Variants in LNPEP observed in about 807,000 individuals in gnomAD.
The protein encoded by LNPEP is leucyl and cystinyl aminopeptidase, also known as leucyl-cystinyl aminopeptidase.
A neutral mutation model predicts 120.6 loss-of-function variants in LNPEP; 64 were observed. That is an observed-to-expected ratio of 0.53 (90% CI 0.43 to 0.65). The LOEUF is 0.65. Among genes scored for constraint, LNPEP ranks in the 30% least tolerant of loss-of-function variants. LNPEP has a pLI of 0.00. For missense variants in LNPEP, 1,057 were observed against 1,200.0 expected, an observed-to-expected ratio of 0.88 and a Z score of 1.76; for synonymous variants, 435 against 425.4, an observed-to-expected ratio of 1.02 and a Z score of -0.28.
chr5:96,955,476 G>A (rs1049534460), intron 1 of LNPEP, among the ~76,000 whole-genome samples: 2 of 152,148 alleles, frequency 1.3e-5, no homozygotes, highest in East Asian at 3.9e-4. Context: ...TTAGCTGGAT[G>A]TGGTGATGCA....
chr5:96,969,569 G>T (rs555878468), intron 1 of LNPEP, among the ~76,000 whole-genome samples: 20 of 152,092 alleles, frequency 1.3e-4, no homozygotes, highest in African/African-American at 4.8e-4. Flanking sequence ...CTTTTGAGAA[G>T]TGAAAAATTG....
intron 1 of LNPEP, among the ~76,000 whole-genome samples, chr5:96,962,183 A>G (rs1029910962): frequency 3.3e-5 from 5 of 152,194 alleles, no homozygotes; most frequent in Non-Finnish European, 5.9e-5. Flanking sequence ...GAGGCTATGT[A>G]GACATGAAGC....
intron 4 of LNPEP, among the ~76,000 whole-genome samples, chr5:96,992,731 A>T (rs1408073508): frequency 2.7e-5 from 4 of 148,790 alleles, no homozygotes; most frequent in Middle Eastern, 3.2e-3. Flanking sequence ...AAGTTGCTAT[A>T]AGATGACCTA....
intron 3 of LNPEP, 60 bp downstream of exon 3, chr5:96,985,278 T>C: frequency 2.1e-6 from 3 of 1,416,566 alleles, no homozygotes; most frequent in Non-Finnish European, 2.9e-6. Context: ...TTAAGAACAC[T>C]TAAATTCCTC....
intron 1 of LNPEP, among the ~76,000 whole-genome samples, chr5:96,976,328 T>G (rs1300424025): frequency 6.6e-6 from 1 of 152,200 alleles, no homozygotes; most frequent in Non-Finnish European, 1.5e-5. Context: ...AGATTAAAAT[T>G]CTACGTTGGT....
intron 1 of LNPEP, among the ~76,000 whole-genome samples, chr5:96,948,369 C>T (rs145998961): frequency 4.3e-4 from 66 of 152,364 alleles, no homozygotes; most frequent in African/African-American, 1.4e-3. Flanking sequence ...CTGCCTTTCT[C>T]GGCCTCCCAA....
Position 97,032,182 on chromosome 5 carries a change from T to G in LNPEP, c.*3649T>G, listed in dbSNP as rs1791482889. 1 of 152,230 alleles carries G rather than the reference T, an allele frequency of 6.6e-6. No homozygotes were observed. The highest frequency in any genetic ancestry group is 1.5e-5 in the Non-Finnish European group (1 of 68,046). 9.4% of individuals were successfully genotyped at this position (152,230 alleles called of 1,614,324 possible). On this transcript the variant is annotated 3_prime_UTR_variant, in exon 18 of 18. Coordinates refer to ENST00000231368, the MANE Select transcript of LNPEP (RefSeq NM_005575.3). ...CATGGATATGACATAGCTTTTCTTCTCACCTATGCCTTTGTTACTTTTGTA... is the reference window on the plus strand; with the variant it reads ...CATGGATATGACATAGCTTTTCTTCGCACCTATGCCTTTGTTACTTTTGTA...
At chr5:97,002,967 G>C (rs1388808918) in intron 8 of LNPEP, among the ~76,000 whole-genome samples, 1 of 152,166 alleles carries the variant, frequency 6.6e-6, no homozygotes, top group Admixed American at 6.5e-5. Flanking sequence ...GACCTACCTA[G>C]CAGGGAGACT....
At chr5:97,020,917 A>G (rs774519090) in intron 13 of LNPEP, among the ~76,000 whole-genome samples, 1 of 151,604 alleles carries the variant, frequency 6.6e-6, no homozygotes, top group African/African-American at 2.4e-5. Context: ...ATGTGCCCTC[A>G]CCCCCCACCC....
chr5:96,941,626 A>C (rs1330597259), intron 1 of LNPEP, among the ~76,000 whole-genome samples: 1 of 152,190 alleles, frequency 6.6e-6, no homozygotes, highest in Admixed American at 6.5e-5. Context: ...CTAGATCTAC[A>C]TATGGCCGTT....
In LNPEP at chr5:97,035,572, G is replaced by T. The variant is rs1226383151; in HGVS notation, c.*7039G>T. ...TTCCTACATATTTCCTCACTTAGCA[G>T]TAGCTAGTGTAGTTATTTTGTGGTT... On this transcript the variant is annotated 3_prime_UTR_variant, in exon 18 of 18. Coordinates refer to ENST00000231368, the MANE Select transcript of LNPEP (RefSeq NM_005575.3). The T allele has an allele frequency of 6.6e-6, 1 of 152,108 alleles. No individual in the cohort carries two copies. Among genetic ancestry groups the T allele is most frequent in the Admixed American group, 6.6e-5 (1 of 15,252 alleles). 9.4% of individuals were successfully genotyped at this position (152,108 alleles called of 1,614,324 possible).
intron 4 of LNPEP, among the ~76,000 whole-genome samples, chr5:96,992,035 AT>A (rs60823264): frequency 0.5 from 75,854 of 151,482 alleles, 19,128 homozygotes; most frequent in Middle Eastern, 0.58. Context: ...TTAGAAAAAA[AT>A]AAATACTGTT....
chr5:96,974,887 C>T (rs982632456), intron 1 of LNPEP, among the ~76,000 whole-genome samples: 2 of 152,086 alleles, frequency 1.3e-5, no homozygotes, highest in African/African-American at 4.8e-5. Context: ...CATTTCTTCT[C>T]CTTTGCTGAC....
intron 1 of LNPEP, among the ~76,000 whole-genome samples, chr5:96,970,662 T>C (rs1006367377): frequency 1.3e-5 from 2 of 152,056 alleles, no homozygotes; most frequent in Non-Finnish European, 1.5e-5. Flanking sequence ...TTTTCTCTAT[T>C]GGATTCTTAA....
intron 1 of LNPEP, among the ~76,000 whole-genome samples, chr5:96,967,771 A>G (rs1246959873): frequency 1.3e-5 from 2 of 152,090 alleles, no homozygotes; most frequent in Non-Finnish European, 2.9e-5. Context: ...ATTTTTGTTT[A>G]TACTTCATTT....
chr5:96,940,679 A>G (rs1357918720), intron 1 of LNPEP, among the ~76,000 whole-genome samples: 1 of 152,244 alleles, frequency 6.6e-6, no homozygotes, highest in African/African-American at 2.4e-5. Flanking sequence ...AGGAAACAGC[A>G]GTATTAACCC....
At chr5:96,969,785 T>C (rs1419136768) in intron 1 of LNPEP, among the ~76,000 whole-genome samples, 2 of 151,762 alleles carry the variant, frequency 1.3e-5, no homozygotes, top group African/African-American at 2.4e-5. Flanking sequence ...AATTTGGTAT[T>C]CTTTTCTAGG....
intron 1 of LNPEP, among the ~76,000 whole-genome samples, chr5:96,968,195 A>AG (rs1405558546): frequency 2.6e-5 from 4 of 151,980 alleles, no homozygotes; most frequent in Non-Finnish European, 5.9e-5. Flanking sequence ...GAGAGAGTGA[A>AG]GTGACTCATA....
At chr5:96,992,932 A>G in intron 4 of LNPEP, 83 bp from the exon 5 acceptor site, 3 of 944,080 alleles carry the variant, frequency 3.2e-6, no homozygotes, top group Non-Finnish European at 4.7e-6. Context: ...ATTTTCAGAT[A>G]TGCTAGTCTT....
Sources: gnomAD v4.1 joint callset for allele counts (sites outside exome capture counted in the v4.1 genomes callset) on GRCh38, gnomAD v4.1.1 for gene constraint, MANE v1.5 for transcripts, NCBI Gene and HGNC (gene_info 2026-07-23, HGNC 2026-07-21) for gene names.